COL4A6: variants seen among roughly 807,000 people sequenced by gnomAD.
COL4A6 encodes the protein collagen alpha-6(IV) chain.
Under a neutral mutation model 126.7 loss-of-function variants are expected in COL4A6, and 59 were observed. That is an observed-to-expected ratio of 0.47 (90% CI 0.38 to 0.58). COL4A6 has a LOEUF of 0.58. Ranked by LOEUF, COL4A6 falls within the 20% of genes least tolerant of loss-of-function variation. The pLI is 0.00. For missense variants in COL4A6, 1,285 were observed against 1,337.3 expected (o/e 0.96, Z 0.61); for synonymous variants, 547 against 496.6 (o/e 1.10, Z -1.35).
chrX:108,407,744 C>T (rs1305010293), intron 2 of COL4A6, among the ~76,000 whole-genome samples: 2 of 111,936 alleles, frequency 1.8e-5, no homozygotes, highest in Non-Finnish European at 3.8e-5. Flanking sequence ...AAGTGTTTCC[C>T]ACCAAACAAT....
At chrX:108,320,124 A>G (rs111412177) in intron 2 of COL4A6, among the ~76,000 whole-genome samples, 1 of 111,851 alleles carries the variant, frequency 8.9e-6, no homozygotes, top group African/African-American at 3.3e-5. Flanking sequence ...AACAAGAATC[A>G]AGGTTATCAA....
chrX:108,369,282 G>A lies in COL4A6; in HGVS notation c.64-58454C>T, dbSNP rs143983906. 5.3e-3 allele frequency among the ~76,000 whole-genome samples: 597 copies of A among 111,736 alleles called. 2 individuals are homozygous for A. The highest frequency in any genetic ancestry group is 0.018 in the African/African-American group (555 of 30,754). ...CATGTGGTTCACTGTTGACCAAAAT[G>A]TCATTATGTAGTGCATGACTGTATA... On this transcript the variant is annotated intron_variant, in intron 2 of 44. Coordinates refer to ENST00000334504, the MANE Select transcript of COL4A6 (RefSeq NM_033641.4).
intron 2 of COL4A6, among the ~76,000 whole-genome samples, chrX:108,401,077 T>C (rs934716270): frequency 9.0e-6 from 1 of 111,568 alleles, no homozygotes; most frequent in African/African-American, 3.2e-5. Context: ...GCAATACAGA[T>C]TTCACTTTTT....
At chrX:108,380,097 G>A (rs1283790308) in intron 2 of COL4A6, among the ~76,000 whole-genome samples, 1 of 112,398 alleles carries the variant, frequency 8.9e-6, no homozygotes, top group East Asian at 2.8e-4. Flanking sequence ...CAGCAGGAGA[G>A]TTTTTGCTTT....
intron 23 of COL4A6, among the ~76,000 whole-genome samples, chrX:108,185,582 T>C (rs1405126475): frequency 8.9e-6 from 1 of 111,769 alleles, no homozygotes; most frequent in Non-Finnish European, 1.9e-5. Flanking sequence ...TCCTGTCTTC[T>C]TTTATTGTAA....
intron 2 of COL4A6, among the ~76,000 whole-genome samples, chrX:108,361,132 G>A (rs758676512): frequency 9.0e-6 from 1 of 111,338 alleles, no homozygotes; most frequent in East Asian, 2.8e-4. Context: ...TTATTCTTCT[G>A]CTATCATTTT....
intron 2 of COL4A6, among the ~76,000 whole-genome samples, chrX:108,433,164 T>C: frequency 8.9e-6 from 1 of 112,318 alleles, no homozygotes. Context: ...AAATTCATTG[T>C]TATAACGGAG....
intron 31 of COL4A6, among the ~76,000 whole-genome samples, 164 bp from the exon 32 acceptor site, chrX:108,172,696 G>A (rs1387308953): frequency 3.6e-5 from 4 of 111,790 alleles, no homozygotes; most frequent in East Asian, 2.8e-4. Flanking sequence ...TCCTGCAAAC[G>A]GGAAGGTGAT....
At chrX:108,335,151 T>C (rs897017460) in intron 2 of COL4A6, among the ~76,000 whole-genome samples, 2 of 112,329 alleles carry the variant, frequency 1.8e-5, no homozygotes, top group African/African-American at 6.5e-5. Flanking sequence ...CTTTGGCTCT[T>C]TAACTCCTGT....
chrX:108,302,326 A>G (rs933650138), intron 3 of COL4A6, among the ~76,000 whole-genome samples: 2 of 111,764 alleles, frequency 1.8e-5, no homozygotes, highest in Admixed American at 1.9e-4. Flanking sequence ...GCACAATTAT[A>G]TACTTAGGGC....
chrX:108,236,192 C>T (rs745332020), intron 3 of COL4A6, among the ~76,000 whole-genome samples: 2 of 111,770 alleles, frequency 1.8e-5, no homozygotes, highest in African/African-American at 6.5e-5. Flanking sequence ...GTACTTTCCC[C>T]TTCAGGGCTT....
chrX:108,365,004 C>T lies in COL4A6; in HGVS notation c.64-54176G>A, dbSNP rs558597585. Among the ~76,000 whole-genome samples, 8 of 111,155 alleles carry T rather than the reference C, an allele frequency of 7.2e-5. No individual in the cohort carries two copies. The South Asian group carries it at 3.1e-3, about 43-fold the overall frequency. Reference sequence around the variant, plus strand: ...GATGTCACCACACCTAATGACTCAACATTCCCTAAACATAAAACATAGTAT... The same window carrying T: ...GATGTCACCACACCTAATGACTCAATATTCCCTAAACATAAAACATAGTAT... On this transcript the variant is annotated intron_variant, in intron 2 of 44. Transcript: ENST00000334504.
intron 3 of COL4A6, among the ~76,000 whole-genome samples, chrX:108,230,418 C>T (rs773543009): frequency 1.7e-4 from 19 of 111,675 alleles, no homozygotes; most frequent in African/African-American, 5.9e-4. Context: ...TCCTTGTGGC[C>T]TTTTGAGAAG....
intron 2 of COL4A6, among the ~76,000 whole-genome samples, chrX:108,340,280 C>T (rs907737394): frequency 6.3e-5 from 7 of 111,313 alleles, no homozygotes; most frequent in Non-Finnish European, 1.3e-4. Flanking sequence ...ATGGCTAGTT[C>T]TACTGAGGAG....
intron 37 of COL4A6, among the ~76,000 whole-genome samples, chrX:108,166,262 CAGA>C (rs1272169164): frequency 5.3e-5 from 6 of 112,484 alleles, no homozygotes; most frequent in Non-Finnish European, 1.1e-4. Flanking sequence ...CATCTGATCA[CAGA>C]AGATTTATTT....
intron 35 of COL4A6, among the ~76,000 whole-genome samples, chrX:108,170,284 T>C (rs2034261165): frequency 8.9e-6 from 1 of 111,818 alleles, no homozygotes; most frequent in Admixed American, 9.5e-5. Context: ...GAACTCAGAG[T>C]AGCAATGTCA....
chrX:108,386,494 C>T lies in COL4A6; in HGVS notation c.63+51448G>A, dbSNP rs899859574. 5.3e-5 allele frequency among the ~76,000 whole-genome samples: 6 copies of T among 112,280 alleles called. No individual in the cohort carries two copies. In the Admixed American group the frequency reaches 5.6e-4, roughly 11 times the overall value. On this transcript the variant is annotated intron_variant, in intron 2 of 44. Transcript: ENST00000334504. Reference sequence around the variant, plus strand: ...AGTGATGATGAGCAATTTTTCCATACATTTGTTGGCTGCATAAACGTCTTC... The same window carrying T: ...AGTGATGATGAGCAATTTTTCCATATATTTGTTGGCTGCATAAACGTCTTC...
At chrX:108,362,132 A>G (rs2040100591) in intron 2 of COL4A6, among the ~76,000 whole-genome samples, 1 of 110,809 alleles carries the variant, frequency 9.0e-6, no homozygotes. Context: ...AGACAGAGAG[A>G]GCACGTGTGC....
chrX:108,255,235 T>A (rs1266757), intron 3 of COL4A6, among the ~76,000 whole-genome samples: 1 of 83,345 alleles, frequency 1.2e-5, no homozygotes, highest in East Asian at 4.7e-4. Context: ...CAAATGGAAG[T>A]GGGGGGGCTA....
Sources: gnomAD v4.1 joint callset for allele counts (sites outside exome capture counted in the v4.1 genomes callset) on GRCh38, gnomAD v4.1.1 for gene constraint, MANE v1.5 for transcripts, NCBI Gene and HGNC (gene_info 2026-07-23, HGNC 2026-07-21) for gene names.